Variants in NUP88 observed in about 807,000 individuals in gnomAD.
NUP88 encodes the protein nuclear pore complex protein Nup88.
Under a neutral mutation model 93.9 loss-of-function variants are expected in NUP88, and 57 were observed. That is an observed-to-expected ratio of 0.61 (90% confidence interval 0.49 to 0.76). The LOEUF (loss-of-function observed/expected upper bound fraction) is 0.76. Among genes scored for constraint, NUP88 ranks in the 30% least tolerant of loss-of-function variants. NUP88 has a pLI of 0.00. For missense variants in NUP88, 911 were observed against 901.0 expected (o/e 1.01, Z -0.14); for synonymous variants, 346 against 336.8 (o/e 1.03, Z -0.30).
Position 5,387,098 on chromosome 17 carries a change from T to C in NUP88, c.1929A>G (p.Leu643=), listed in dbSNP as rs760237398. 28 of 1,613,366 alleles carry C rather than the reference T, an allele frequency of 1.7e-5. No individual in the cohort carries two copies. Among genetic ancestry groups the C allele is most frequent in the East Asian group, 2.2e-5 (1 of 44,890 alleles). Residue 643 remains leucine (L), a synonymous_variant, in exon 15 of 17, where the codon CTA becomes CTG. Coordinates refer to ENST00000573584, the MANE Select transcript of NUP88 (RefSeq NM_002532.6). ...QEDIMNRMKK[L]LHSFHSELPV... ...GGAGCTCAGAGTGAAAACTGTGAAG[T>C]AGTTTTTTCATCCTTTAGAAAAGGC...
At chr17:5,400,324 C>T (rs1913075616) in intron 7 of NUP88, among the ~76,000 whole-genome samples, 1 of 151,620 alleles carries the variant, frequency 6.6e-6, no homozygotes, top group Admixed American at 6.6e-5. Context: ...TGGTGAAAAC[C>T]CGTCTCTACT....
chr17:5,395,803 C>A (rs1912739604), intron 8 of NUP88, among the ~76,000 whole-genome samples: 1 of 152,218 alleles, frequency 6.6e-6, no homozygotes, highest in South Asian at 2.1e-4. Context: ...CAGGTGTGAA[C>A]CACCACGCCT....
chr17:5,413,144 AT>A (rs1012353631), intron 3 of NUP88, among the ~76,000 whole-genome samples: 1 of 151,370 alleles, frequency 6.6e-6, no homozygotes, highest in Non-Finnish European at 1.5e-5. Context: ...TGCCCAGCTA[AT>A]TTTTTTTGCA....
chr17:5,386,191 C>T lies in NUP88; in HGVS notation c.*15G>A. The T allele has an allele frequency of 6.2e-7, 1 of 1,606,364 alleles. No homozygotes were observed. Among genetic ancestry groups the T allele is most frequent in the Non-Finnish European group, 8.5e-7 (1 of 1,174,590 alleles). On this transcript the variant is annotated 3_prime_UTR_variant, in exon 17 of 17. Coordinates refer to ENST00000573584, the MANE Select transcript of NUP88 (RefSeq NM_002532.6). ...AATGGTGTTCAGTTCAGGTGTGAGTCAGCTCCTGGTGGTGTCAGAAGTTTA... is the reference window on the plus strand; with the variant it reads ...AATGGTGTTCAGTTCAGGTGTGAGTTAGCTCCTGGTGGTGTCAGAAGTTTA...
intron 15 of NUP88, 71 bp from the exon 16 acceptor site, chr17:5,386,897 G>C: frequency 6.3e-7 from 1 of 1,586,514 alleles, no homozygotes. Context: ...ATTTGAATCT[G>C]TTCTTTTTAC....
chr17:5,413,283 T>C (rs55937135), intron 3 of NUP88, among the ~76,000 whole-genome samples: 1 of 152,232 alleles, frequency 6.6e-6, no homozygotes. Flanking sequence ...AGATGAGTTT[T>C]AAACTGGACA....
chr17:5,406,050 T>C (rs575847703), intron 5 of NUP88, among the ~76,000 whole-genome samples: 212 of 152,342 alleles, frequency 1.4e-3, no homozygotes, highest in Non-Finnish European at 2.2e-3. Context: ...GACAAATACT[T>C]ATTATTGAGT....
At chr17:5,417,747 G>A (rs767675292) in intron 1 of NUP88, among the ~76,000 whole-genome samples, 5 of 152,008 alleles carry the variant, frequency 3.3e-5, no homozygotes, top group Non-Finnish European at 7.3e-5. Context: ...GCTGAGGCAG[G>A]AGAATCGCTT....
rs201678337 is a variant in NUP88 at position 5,404,295 on chromosome 17, T to C, written c.1045-49A>G. 97 of 1,599,548 alleles carry C rather than the reference T, an allele frequency of 6.1e-5. 3 individuals carry two copies. The South Asian group carries it at 1.0e-3, about 17-fold the overall frequency. ...TTGATCTTGCATGTTAATTTGAAAATGTACACAATTAAAAACAGGCAAAAA... is the reference window on the plus strand; with the variant it reads ...TTGATCTTGCATGTTAATTTGAAAACGTACACAATTAAAAACAGGCAAAAA... On this transcript the variant is annotated intron_variant, in intron 6 of 16. Transcript: ENST00000573584.
rs1344807016 is a variant in NUP88, at chr17:5,398,031, C to A, written c.1291+1521G>T. The stretch of plus-strand genomic sequence containing the variant: ...AAGCGATTCTCCTGTCTCAGCCTCC[C>A]GAGTAGCTGGGATTACAGGCATCCG... On this transcript the variant is annotated intron_variant, in intron 8 of 16. Transcript: ENST00000573584. Among the ~76,000 whole-genome samples, 7 of 151,546 alleles carry A rather than the reference C, an allele frequency of 4.6e-5. No individual in the cohort carries two copies. In the East Asian group the frequency reaches 1.4e-3, roughly 30 times the overall value.
Position 5,387,425 on chromosome 17 carries a change from T to G in NUP88, c.1877A>C (p.Tyr626Ser). 6.2e-7 allele frequency: 1 copy of G among 1,614,172 alleles called. No individual in the cohort carries two copies. ...CTCTTGTTTTTCTTTAGCTTCCTCATATTTGTCAGCTAAACGCTCAGCCAT... is the reference window on the plus strand; with the variant it reads ...CTCTTGTTTTTCTTTAGCTTCCTCAGATTTGTCAGCTAAACGCTCAGCCAT... Reference protein sequence around the residue: ...REMAERLADKYEEAKEKQEDI... With the variant: ...REMAERLADKSEEAKEKQEDI... Residue 626 changes from tyrosine (Y) to serine (S), a missense_variant, in exon 14 of 17, where the codon TAT becomes TCT. Physicochemically the swap from Tyr to Ser is moderately radical, Grantham distance 144 (BLOSUM62 -2). Transcript: ENST00000573584.
chr17:5,407,512 T>G (rs1210534426), intron 5 of NUP88, among the ~76,000 whole-genome samples: 7 of 152,210 alleles, frequency 4.6e-5, no homozygotes, highest in African/African-American at 1.7e-4. Flanking sequence ...GCGAATAAAC[T>G]CTAATGCTCA....
At chr17:5,402,401 A>T (rs973223054) in intron 7 of NUP88, among the ~76,000 whole-genome samples, 1 of 152,212 alleles carries the variant, frequency 6.6e-6, no homozygotes, top group Non-Finnish European at 1.5e-5. Context: ...ATACGTATCT[A>T]TATGAGGAAA....
At chr17:5,404,932 A>G (rs1183072643) in intron 6 of NUP88, 125 bp downstream of exon 6, 1 of 906,734 alleles carries the variant, frequency 1.1e-6, no homozygotes, top group Non-Finnish European at 1.6e-6. Flanking sequence ...TAACTGTTTA[A>G]TTTCCAAAAT....
intron 8 of NUP88, among the ~76,000 whole-genome samples, chr17:5,398,601 TTTTTTTTGAGACAGA>T (rs1342946226): frequency 6.6e-6 from 1 of 151,072 alleles, no homozygotes; most frequent in Non-Finnish European, 1.5e-5. Context: ...TAACTTTTTT[TTTTTTTTGAGACAGA>T]GTCTCGCTCT....
At position 5,410,642 on chromosome 17, in the gene NUP88, T is replaced by G. The variant is rs542775666; in HGVS notation, c.680+61A>C. ...GAAAAACCTTGCAACCTGTTAAAAT[T>G]GCATTTATAATCCCAATAAGCTAAT... is the stretch of plus-strand genomic sequence containing the variant. On this transcript the variant is annotated intron_variant, in intron 4 of 16. Coordinates refer to ENST00000573584, the MANE Select transcript of NUP88 (RefSeq NM_002532.6). 11 of 1,025,010 alleles carry G rather than the reference T, an allele frequency of 1.1e-5. No homozygotes were observed. The South Asian group carries it at 1.4e-4, about 13-fold the overall frequency. 63.5% of individuals were successfully genotyped at this position (1,025,010 alleles called of 1,614,324 possible).
In NUP88 at chr17:5,386,100, GTCA is replaced by G; in HGVS notation, c.*103_*105del. On this transcript the variant is annotated 3_prime_UTR_variant, in exon 17 of 17. Coordinates refer to ENST00000573584, the MANE Select transcript of NUP88 (RefSeq NM_002532.6). Reference sequence around the variant, plus strand: ...TTTAAAAAGATGAACCACACCAAAGGTCATCAAAACACCTTTTTATAAATTAGA... The same window carrying G: ...TTTAAAAAGATGAACCACACCAAAGGTCAAAACACCTTTTTATAAATTAGA... 2.6e-6 allele frequency: 2 copies of G among 760,418 alleles called. No homozygotes were observed. The highest frequency in any genetic ancestry group is 4.3e-6 in the Non-Finnish European group (2 of 462,504). 47.1% of individuals were successfully genotyped at this position (760,418 alleles called of 1,614,324 possible).
intron 10 of NUP88, among the ~76,000 whole-genome samples, chr17:5,390,089 C>T (rs997081099): frequency 4.0e-5 from 6 of 149,270 alleles, no homozygotes; most frequent in African/African-American, 7.4e-5. Flanking sequence ...CACTTGAACC[C>T]GGGAGGCAGA....
intron 3 of NUP88, among the ~76,000 whole-genome samples, chr17:5,412,433 G>A (rs1913891152): frequency 6.6e-6 from 1 of 152,098 alleles, no homozygotes; most frequent in Non-Finnish European, 1.5e-5. Context: ...TCAGTTATAA[G>A]ATCGAAAAAA....
Sources: gnomAD v4.1 joint callset for allele counts (sites outside exome capture counted in the v4.1 genomes callset) on GRCh38, gnomAD v4.1.1 for gene constraint, MANE v1.5 for transcripts, NCBI Gene and HGNC (gene_info 2026-07-23, HGNC 2026-07-21) for gene names.